COL12A1: variants seen among roughly 807,000 people sequenced by gnomAD.
COL12A1 encodes collagen type XII alpha 1 chain.
Under a neutral mutation model 349.7 loss-of-function variants are expected in COL12A1, and 114 were observed. The observed-to-expected ratio is 0.33, with a 90% CI of 0.28 to 0.38. The LOEUF is 0.38. Among genes scored for constraint, COL12A1 ranks in the 10% least tolerant of loss-of-function variants. COL12A1 has a pLI of 1.00. For missense variants in COL12A1, 3,284 were observed against 3,756.9 expected, an observed-to-expected ratio of 0.87 and a Z score of 3.29; for synonymous variants, 1,369 against 1,329.0, an observed-to-expected ratio of 1.03 and a Z score of -0.66.
In COL12A1 at chr6:75,152,325, G is replaced by C. The variant is rs766770036; in HGVS notation, c.3715+8C>G. The C allele has an allele frequency of 6.2e-7, 1 of 1,613,530 alleles. No homozygotes were observed. Among genetic ancestry groups the C allele is most frequent in the East Asian group, 2.2e-5 (1 of 44,830 alleles). ...TGTCTAAATGGCTCCAATGTTGTCA[G>C]AACCTACCAATTTGTACTCTTTTGG... is the stretch of plus-strand genomic sequence containing the variant. On this transcript the variant is annotated splice_region_variant and intron_variant, in intron 18 of 65. Transcript: ENST00000322507.
In COL12A1 at chr6:75,102,690, C is replaced by A; in HGVS notation, c.8322G>T (p.Gly2774=). 2 of 1,540,056 alleles carry A rather than the reference C, an allele frequency of 1.3e-6. No individual in the cohort carries two copies. The highest frequency in any genetic ancestry group is 1.7e-6 in the Non-Finnish European group (2 of 1,147,672). The change falls in exon 56 of 66, where the codon GGG becomes GGT. Residue 2774 remains glycine (G), a splice_region_variant and synonymous_variant. Coordinates refer to ENST00000322507, the MANE Select transcript of COL12A1 (RefSeq NM_004370.6). ...CTATGTCTCCACGAGGACCAGGGGG[C>A]CCCTAAAATACACAAGAGAGAGACA... ...RGERGISGAI[G]PPGPRGDIGP... is the part of the protein sequence containing the mutation.
chr6:75,199,841 CA>C (rs1770433666), intron 2 of COL12A1, among the ~76,000 whole-genome samples: 1 of 151,816 alleles, frequency 6.6e-6, no homozygotes, highest in Admixed American at 6.6e-5. Context: ...TACAAATAAG[CA>C]GAAGAAAAAC....
chr6:75,119,562 G>A (rs954705792), intron 44 of COL12A1, 89 bp from the exon 45 acceptor site: 81 of 1,461,742 alleles, frequency 5.5e-5, no homozygotes, highest in African/African-American at 5.4e-4. Flanking sequence ...GGAATAAAGC[G>A]GTGGGGGTGT....
chr6:75,132,141 G>T (rs1766331547), intron 34 of COL12A1, 59 bp from the exon 35 acceptor site: 1 of 1,575,908 alleles, frequency 6.3e-7, no homozygotes, highest in Non-Finnish European at 8.7e-7. Flanking sequence ...TCAAGCTTTT[G>T]TATCACTTTT....
At chr6:75,117,330 A>T in intron 47 of COL12A1, 52 bp downstream of exon 47, 1 of 1,572,314 alleles carries the variant, frequency 6.4e-7, no homozygotes, top group Non-Finnish European at 8.7e-7. Context: ...TCTACTAAGT[A>T]ATTGTTTTTC....
At chr6:75,091,290 CAATT>C (rs772735275) in intron 62 of COL12A1, 29 bp downstream of exon 62, 3 of 1,574,168 alleles carry the variant, frequency 1.9e-6, no homozygotes, top group Non-Finnish European at 2.6e-6. Flanking sequence ...AATTTTAAAA[CAATT>C]CATACAGTAA....
intron 10 of COL12A1, 101 bp downstream of exon 10, chr6:75,182,949 C>T (rs1013433249): frequency 5.0e-6 from 7 of 1,387,562 alleles, no homozygotes; most frequent in African/African-American, 2.9e-5. Flanking sequence ...GTTACTTTTT[C>T]GTGTCTATAA....
chr6:75,175,409 G>T, intron 12 of COL12A1, 99 bp from the exon 13 acceptor site: 1 of 1,346,914 alleles, frequency 7.4e-7, no homozygotes, highest in Non-Finnish European at 1.0e-6. Flanking sequence ...CTACATCAAA[G>T]TTATATCCTG....
rs35170847 is a variant in COL12A1 at position 75,175,267 on chromosome 6, C to T, written c.2481G>A (p.Thr827=). ...PRDLRVSDPT[T]STMKLSWSGA... is the part of the protein sequence containing the mutation. ...CACTCCAAGATAATTTCATAGTAGACGTCGTAGGGTCAGAAACTCTTAAGT... is the reference window on the plus strand; with the variant it reads ...CACTCCAAGATAATTTCATAGTAGATGTCGTAGGGTCAGAAACTCTTAAGT... The change falls in exon 13 of 66, where the codon ACG becomes ACA. Residue 827 remains threonine, a synonymous_variant. Coordinates refer to ENST00000322507, the MANE Select transcript of COL12A1 (RefSeq NM_004370.6). 1,547 of 1,614,142 alleles carry T rather than the reference C, an allele frequency of 9.6e-4. 10 individuals carry two copies. In the African/African-American group the frequency reaches 0.017, roughly 18 times the overall value.
chr6:75,145,524 T>G, intron 24 of COL12A1, 69 bp from the exon 25 acceptor site: 1 of 1,512,718 alleles, frequency 6.6e-7, no homozygotes. Context: ...TTTGGAATAG[T>G]CAACTGAAGT....
At chr6:75,134,025 T>C (rs1766448080) in intron 32 of COL12A1, 28 bp from the exon 33 acceptor site, 1 of 1,602,764 alleles carries the variant, frequency 6.2e-7, no homozygotes, top group Non-Finnish European at 8.5e-7. Context: ...CCCATCACAG[T>C]ATAATGCTAA....
At chr6:75,165,834 G>A in intron 13 of COL12A1, 55 bp from the exon 14 acceptor site, 2 of 1,517,278 alleles carry the variant, frequency 1.3e-6, no homozygotes, top group Non-Finnish European at 1.8e-6. Flanking sequence ...AGGTATTTAA[G>A]TATTATATTC....
chr6:75,191,078 A>C (rs532164018), intron 5 of COL12A1, among the ~76,000 whole-genome samples: 9 of 152,028 alleles, frequency 5.9e-5, no homozygotes, highest in Admixed American at 5.2e-4. Flanking sequence ...AAAGCAATAT[A>C]AGACAAAAGG....
intron 54 of COL12A1, among the ~76,000 whole-genome samples, chr6:75,104,492 C>T (rs997301733): frequency 1.3e-5 from 2 of 152,064 alleles, no homozygotes; most frequent in Non-Finnish European, 2.9e-5. Context: ...TCTGTGAATC[C>T]CTGAGCTCCT....
intron 32 of COL12A1, 72 bp downstream of exon 32, chr6:75,134,654 T>C (rs1766491388): frequency 7.3e-7 from 1 of 1,363,486 alleles, no homozygotes; most frequent in Non-Finnish European, 9.7e-7. Context: ...ACCCCAGTGT[T>C]TCCAGATAAA....
At chr6:75,173,064 G>A (rs1388212076) in intron 13 of COL12A1, among the ~76,000 whole-genome samples, 8 of 152,150 alleles carry the variant, frequency 5.3e-5, no homozygotes. Context: ...AAGTTAATAA[G>A]CTATGTCCTC....
intron 52 of COL12A1, among the ~76,000 whole-genome samples, chr6:75,107,062 C>T (rs1259621677): frequency 6.6e-6 from 1 of 151,398 alleles, no homozygotes; most frequent in African/African-American, 2.4e-5. Flanking sequence ...CCACCATGCC[C>T]AGCTAATTTT....
chr6:75,143,650 C>T (rs898897002), intron 25 of COL12A1, among the ~76,000 whole-genome samples: 23 of 152,070 alleles, frequency 1.5e-4, no homozygotes, highest in African/African-American at 5.3e-4. Context: ...ACTCTTCTTC[C>T]ACATTATTTA....
At chr6:75,151,528 G>A (rs904645521) in intron 20 of COL12A1, among the ~76,000 whole-genome samples, 7 of 152,038 alleles carry the variant, frequency 4.6e-5, no homozygotes, top group Middle Eastern at 3.4e-3. Context: ...CCAATTTCCC[G>A]CCAAAAAGAC....
Sources: gnomAD v4.1 joint callset for allele counts (sites outside exome capture counted in the v4.1 genomes callset) on GRCh38, gnomAD v4.1.1 for gene constraint, MANE v1.5 for transcripts, NCBI Gene and HGNC (gene_info 2026-07-23, HGNC 2026-07-21) for gene names.